Variants in DZIP1 observed in about 807,000 individuals in gnomAD.
DZIP1 encodes the protein cilium assembly protein DZIP1.
In DZIP1, 97 loss-of-function variants were observed where a neutral mutation model predicts 107.6. That is an observed-to-expected ratio of 0.90 (90% CI 0.77 to 1.07). The LOEUF (loss-of-function observed/expected upper bound fraction) is 1.07, where lower values mean the gene tolerates loss of function less well. Ranked by LOEUF, DZIP1 falls within the 50% of genes least tolerant of loss-of-function variation. The probability of loss-of-function intolerance (pLI) is 0.00; values close to 1 mark genes in which losing one functional copy is unlikely to be tolerated. For synonymous variants in DZIP1, 390 were observed against 386.4 expected (o/e 1.01, Z -0.11); for missense variants, 1,035 against 1,063.6 (o/e 0.97, Z 0.37).
At chr13:95,639,679 A>G (rs200872810) in intron 5 of DZIP1, among the ~76,000 whole-genome samples, 9 of 51,494 alleles carry the variant, frequency 1.7e-4, no homozygotes, top group Admixed American at 1.0e-3. Context: ...ACCCCAAAAA[A>G]GGAAAAAAAA....
chr13:95,611,818 A>G (rs867262370), intron 11 of DZIP1, among the ~76,000 whole-genome samples: 9 of 152,354 alleles, frequency 5.9e-5, no homozygotes, highest in Middle Eastern at 6.8e-3. Flanking sequence ...AAATCAAATT[A>G]ATTTTGAACT....
chr13:95,623,255 A>G (rs1360979033), intron 8 of DZIP1, among the ~76,000 whole-genome samples: 2 of 152,216 alleles, frequency 1.3e-5, no homozygotes, highest in African/African-American at 2.4e-5. Flanking sequence ...AGAAAACCAC[A>G]GAAGGTAACA....
intron 5 of DZIP1, among the ~76,000 whole-genome samples, chr13:95,635,550 T>C (rs1326481995): frequency 6.6e-6 from 1 of 152,150 alleles, no homozygotes; most frequent in Non-Finnish European, 1.5e-5. Flanking sequence ...AAAGCATCTC[T>C]TCAACCTCCC....
chr13:95,591,283 T>C (rs1332731822), intron 16 of DZIP1, among the ~76,000 whole-genome samples: 2 of 152,156 alleles, frequency 1.3e-5, no homozygotes, highest in Admixed American at 6.5e-5. Flanking sequence ...TGCCTTGGCC[T>C]CCCAAAGTGC....
chr13:95,605,705 C>T (rs914908161), intron 14 of DZIP1, among the ~76,000 whole-genome samples: 3 of 152,358 alleles, frequency 2.0e-5, no homozygotes, highest in Middle Eastern at 3.4e-3. Flanking sequence ...CCAACACCTA[C>T]TACTTTCCAC....
At chr13:95,625,857 C>T (rs1237021630) in intron 7 of DZIP1, among the ~76,000 whole-genome samples, 1 of 152,042 alleles carries the variant, frequency 6.6e-6, no homozygotes, top group South Asian at 2.1e-4. Context: ...GGTGTGATGG[C>T]TATGCCTGTA....
At chr13:95,602,660 G>A (rs1050983512) in intron 14 of DZIP1, among the ~76,000 whole-genome samples, 1 of 152,250 alleles carries the variant, frequency 6.6e-6, no homozygotes, top group Non-Finnish European at 1.5e-5. Flanking sequence ...ACTCTCCTGA[G>A]CTTTTCCAGG....
chr13:95,615,599 T>A (rs1874952023), intron 10 of DZIP1, among the ~76,000 whole-genome samples: 1 of 152,216 alleles, frequency 6.6e-6, no homozygotes, highest in Non-Finnish European at 1.5e-5. Flanking sequence ...CTGAGGTGCA[T>A]CCCTGGTTAG....
intron 22 of DZIP1, among the ~76,000 whole-genome samples, chr13:95,582,742 T>C (rs1449053558): frequency 6.6e-6 from 1 of 152,208 alleles, no homozygotes; most frequent in African/African-American, 2.4e-5. Flanking sequence ...TCTAGGTAGA[T>C]AGGATTAACA....
chr13:95,635,603 C>A (rs1877703802), intron 5 of DZIP1, among the ~76,000 whole-genome samples: 1 of 151,986 alleles, frequency 6.6e-6, no homozygotes, highest in Admixed American at 6.6e-5. Context: ...CTTTAGGGAC[C>A]CCTCACACCA....
At position 95,644,697 on chromosome 13, in the gene DZIP1, C is replaced by G. The variant is rs995207201; in HGVS notation, c.-846G>C. 2.0e-5 allele frequency: 3 copies of G among 151,674 alleles called. No individual in the cohort carries two copies. Among genetic ancestry groups the G allele is most frequent in the Middle Eastern group, 3.4e-3 (1 of 294 alleles). The allele number at this position is 151,674 out of a possible 1,614,324, so 9.4% of individuals were successfully genotyped here. On this transcript the variant is annotated 5_prime_UTR_variant, in exon 1 of 23. Coordinates refer to ENST00000376829, the MANE Select transcript of DZIP1 (RefSeq NM_198968.4). ...CCTCCGGCCTCTTCCCTCGGTGTCCCGGCTCCTCTGGCAACTGGGCGGGAC... is the reference window on the plus strand; with the variant it reads ...CCTCCGGCCTCTTCCCTCGGTGTCCGGGCTCCTCTGGCAACTGGGCGGGAC...
chr13:95,614,288 T>A lies in DZIP1; in HGVS notation c.1174-2111A>T, dbSNP rs546122152. On this transcript the variant is annotated intron_variant, in intron 10 of 22. Coordinates refer to ENST00000376829, the MANE Select transcript of DZIP1 (RefSeq NM_198968.4). ...GAATCTTTCCTTTCCTAGTGGATAC[T>A]AAGAACCTCCCCCAAGGAGGGCATT... is the stretch of plus-strand genomic sequence containing the variant. 2.0e-5 allele frequency among the ~76,000 whole-genome samples: 3 copies of A among 152,276 alleles called. No individual in the cohort carries two copies. The South Asian group carries it at 6.2e-4, about 32-fold the overall frequency.
chr13:95,636,225 T>C (rs563936899), intron 5 of DZIP1, among the ~76,000 whole-genome samples: 1 of 148,836 alleles, frequency 6.7e-6, no homozygotes, highest in South Asian at 2.2e-4. Context: ...TGAAACATCA[T>C]TGCAGAACAA....
chr13:95,643,144 T>TG lies in DZIP1; in HGVS notation c.-315dup, dbSNP rs1566444354. 6.6e-6 allele frequency: 1 copy of TG among 152,176 alleles called. No homozygotes were observed. Among genetic ancestry groups the TG allele is most frequent in the Admixed American group, 6.5e-5 (1 of 15,288 alleles). 9.4% of individuals were successfully genotyped at this position (152,176 alleles called of 1,614,324 possible). A position where few individuals can be genotyped will look rare whatever the true frequency, so the allele number is the denominator to read the frequency against. Reference sequence around the variant, plus strand: ...AGGCCTCTCATTTCTATGGGTCTTCTGGGGGCCTCCAGTGGTTACCACAGA... The same window carrying TG: ...AGGCCTCTCATTTCTATGGGTCTTCTGGGGGGCCTCCAGTGGTTACCACAGA... On this transcript the variant is annotated 5_prime_UTR_variant, in exon 3 of 23. It introduces an in-frame stop codon into an upstream open reading frame of the 5' UTR. Coordinates refer to ENST00000376829, the MANE Select transcript of DZIP1 (RefSeq NM_198968.4).
intron 7 of DZIP1, among the ~76,000 whole-genome samples, chr13:95,628,342 G>C (rs4526889): frequency 0.93 from 141,512 of 152,210 alleles, 66,556 homozygotes; most frequent in East Asian, 1. Context: ...CACACGTGGT[G>C]TACATATTTT....
Position 95,582,000 on chromosome 13 carries a change from T to C in DZIP1, c.*234A>G. On this transcript the variant is annotated 3_prime_UTR_variant, in exon 23 of 23. Coordinates refer to ENST00000376829, the MANE Select transcript of DZIP1 (RefSeq NM_198968.4). The stretch of plus-strand genomic sequence containing the variant: ...TTATGACTTCAATGACATGTTATTT[T>C]TAAGCAGCAGCGGAAGTCTTAAACA... 2 of 389,132 alleles carry C rather than the reference T, an allele frequency of 5.1e-6. No individual in the cohort carries two copies. Among genetic ancestry groups the C allele is most frequent in the Non-Finnish European group, 4.6e-6 (1 of 218,436 alleles). 24.1% of individuals were successfully genotyped at this position (389,132 alleles called of 1,614,324 possible).
rs1003787327 is a variant in DZIP1 at position 95,642,155 on chromosome 13, T to C, written c.-126A>G. ...GCGGCGGCGGCCTAAGGTCTGGGCG[T>C]CCAGGACGTTGCTATAGCAGCGCCC... On this transcript the variant is annotated 5_prime_UTR_variant, in exon 4 of 23. Transcript: ENST00000376829. 1 of 1,288,450 alleles carries C rather than the reference T, an allele frequency of 7.8e-7. No homozygotes were observed. The highest frequency in any genetic ancestry group is 3.1e-5 in the East Asian group (1 of 32,320). The allele number at this position is 1,288,450 out of a possible 1,614,324, so 79.8% of individuals were successfully genotyped here.
At chr13:95,626,083 G>A (rs1194835019) in intron 7 of DZIP1, among the ~76,000 whole-genome samples, 2 of 152,114 alleles carry the variant, frequency 1.3e-5, no homozygotes, top group East Asian at 3.9e-4. Context: ...AGTGAGCTGT[G>A]ATTGTGCCAC....
intron 9 of DZIP1, among the ~76,000 whole-genome samples, chr13:95,622,074 A>G (rs1403700478): frequency 2.0e-5 from 3 of 152,224 alleles, no homozygotes; most frequent in Non-Finnish European, 4.4e-5. Context: ...AAAAATGAAT[A>G]GCTAGGTTAT....
Sources: allele counts gnomAD v4.1 joint callset (sites outside exome capture counted in the v4.1 genomes callset), GRCh38; gene constraint gnomAD v4.1.1; transcripts MANE v1.5; gene names NCBI Gene and HGNC (gene_info 2026-07-23, HGNC 2026-07-21).